STEAP1: variants seen among roughly 807,000 people sequenced by gnomAD.
STEAP1 encodes the protein STEAP family member 1.
Under a neutral mutation model 34.4 loss-of-function variants are expected in STEAP1, and 30 were observed. The ratio of observed to expected loss-of-function variants is 0.87; its 90% CI spans 0.65 to 1.18. The LOEUF is 1.18. Among genes scored for constraint, STEAP1 ranks in the 50% most tolerant of loss-of-function variants. The probability of loss-of-function intolerance (pLI) is 0.00; values close to 1 mark genes in which losing one functional copy is unlikely to be tolerated. For missense variants in STEAP1, 318 were observed against 391.1 expected (o/e 0.81, Z 1.58); for synonymous variants, 116 against 135.3 (o/e 0.86, Z 0.99).
At chr7:90,155,264 A>C (rs1212181634) in intron 1 of STEAP1, among the ~76,000 whole-genome samples, 1 of 152,222 alleles carries the variant, frequency 6.6e-6, no homozygotes, top group East Asian at 1.9e-4. Flanking sequence ...CCAGTGAAAA[A>C]AAAAAACAAA....
chr7:90,164,367 A>G, intron 4 of STEAP1, 110 bp from the exon 5 acceptor site: 4 of 1,281,842 alleles, frequency 3.1e-6, no homozygotes, highest in Admixed American at 2.6e-5. Flanking sequence ...ATGTGATAGG[A>G]AAACAATCAT....
In STEAP1 at chr7:90,158,219, G is replaced by A. The variant is rs138614702; in HGVS notation, c.-31-1539G>A. ...GAATGTAAAGGCCTGGGACATTACT[G>A]TACAGTACTATAGACTTTATAAACA... On this transcript the variant is annotated intron_variant, in intron 1 of 4. Transcript: ENST00000297205. Among the ~76,000 whole-genome samples, 760 of 152,212 alleles carry A rather than the reference G, an allele frequency of 5.0e-3. 6 individuals are homozygous for A. Among genetic ancestry groups the A allele is most frequent in the African/African-American group, 0.017 (725 of 41,542 alleles).
At chr7:90,161,348 T>C (rs1476410145) in intron 3 of STEAP1, 31 bp downstream of exon 3, 4 of 1,571,970 alleles carry the variant, frequency 2.5e-6, no homozygotes, top group African/African-American at 1.4e-5. Context: ...CTGTTACTAA[T>C]AAAAAGTCTA....
chr7:90,156,369 T>C (rs1480465329), intron 1 of STEAP1, among the ~76,000 whole-genome samples: 2 of 152,076 alleles, frequency 1.3e-5, no homozygotes, highest in Admixed American at 6.5e-5. Context: ...TGGGAGGTGA[T>C]TGGACCATGG....
At chr7:90,157,650 T>C (rs1794133037) in intron 1 of STEAP1, among the ~76,000 whole-genome samples, 2 of 152,232 alleles carry the variant, frequency 1.3e-5, no homozygotes, top group Admixed American at 1.3e-4. Flanking sequence ...GAAAAGAATG[T>C]GGGCAAACTA....
intron 4 of STEAP1, 147 bp from the exon 5 acceptor site, chr7:90,164,330 A>G: frequency 1.0e-6 from 1 of 991,796 alleles, no homozygotes; most frequent in Non-Finnish European, 1.4e-6. Flanking sequence ...AAAAGAGTAG[A>G]AAGATGTGAA....
chr7:90,164,290 T>C (rs1794221808), intron 4 of STEAP1, among the ~76,000 whole-genome samples, 187 bp from the exon 5 acceptor site: 1 of 152,056 alleles, frequency 6.6e-6, no homozygotes, highest in Non-Finnish European at 1.5e-5. Context: ...GACAAGAAAT[T>C]ACCCAAAAGT....
chr7:90,164,593 AGC>A lies in STEAP1; in HGVS notation c.880_881del (p.Ala294CysfsTer11), dbSNP rs769736129. On this transcript the variant is annotated frameshift_variant, in exon 5 of 5. Transcript: ENST00000297205. LOFTEE classifies it high-confidence loss of function. Reference sequence around the variant, plus strand: ...GGTATACACCTCCAACTTTTATGATAGCTGTTTTCCTTCCAATTGTTGTCCTG... The same window carrying A: ...GGTATACACCTCCAACTTTTATGATATGTTTTCCTTCCAATTGTTGTCCTG... ...VWYTPPTFMI[A>X]VFLPIVVLIF... 6.2e-7 allele frequency: 1 copy of A among 1,613,836 alleles called. No individual in the cohort carries two copies. Among genetic ancestry groups the A allele is most frequent in the Admixed American group, 1.7e-5 (1 of 60,006 alleles).
chr7:90,154,483 GC>G lies in STEAP1; in HGVS notation c.-89del, dbSNP rs1242452193. The G allele has an allele frequency of 1.3e-5, 2 of 153,138 alleles. No homozygotes were observed. Among genetic ancestry groups the G allele is most frequent in the Non-Finnish European group, 2.9e-5 (2 of 68,286 alleles). The allele number at this position is 153,138 out of a possible 1,614,324, so 9.5% of individuals were successfully genotyped here. The stretch of plus-strand genomic sequence containing the variant: ...TCTGGAGGCTCAGGCGCCGCGTGGG[GC>G]CCGCACCTCTGGGCAGCAGCGGCAG... On this transcript the variant is annotated 5_prime_UTR_variant, in exon 1 of 5. Coordinates refer to ENST00000297205, the MANE Select transcript of STEAP1 (RefSeq NM_012449.3).
chr7:90,156,355 C>T (rs1026583615), intron 1 of STEAP1, among the ~76,000 whole-genome samples: 3 of 152,116 alleles, frequency 2.0e-5, no homozygotes, highest in African/African-American at 7.2e-5. Context: ...GAGCTGGGGT[C>T]TGGTGGGAGG....
At chr7:90,158,225 T>C (rs574451520) in intron 1 of STEAP1, among the ~76,000 whole-genome samples, 83 of 152,268 alleles carry the variant, frequency 5.5e-4, no homozygotes, top group Admixed American at 2.3e-3. Context: ...TACTGTACAG[T>C]ACTATAGACT....
At chr7:90,164,221 T>A (rs1376594765) in intron 4 of STEAP1, among the ~76,000 whole-genome samples, 4 of 151,974 alleles carry the variant, frequency 2.6e-5, no homozygotes, top group Non-Finnish European at 5.9e-5. Context: ...GTAGACAAAG[T>A]TTTTGATCAC....
chr7:90,155,868 T>C (rs1199416351), intron 1 of STEAP1, among the ~76,000 whole-genome samples: 2 of 152,300 alleles, frequency 1.3e-5, no homozygotes, highest in East Asian at 3.9e-4. Flanking sequence ...CAGCAAACAC[T>C]GCCAACCTGC....
intron 1 of STEAP1, among the ~76,000 whole-genome samples, chr7:90,159,470 TC>T (rs1794154436): frequency 6.6e-6 from 1 of 152,214 alleles, no homozygotes; most frequent in African/African-American, 2.4e-5. Flanking sequence ...TAAATCTTCC[TC>T]AAGTAAAAGG....
chr7:90,159,952 T>G (rs1033954642), intron 2 of STEAP1, 80 bp downstream of exon 2: 1 of 1,035,804 alleles, frequency 9.7e-7, no homozygotes, highest in Admixed American at 3.7e-5. Flanking sequence ...TATCTCCTAG[T>G]GTTATGAAAG....
chr7:90,163,381 T>C (rs1349924116), intron 4 of STEAP1, among the ~76,000 whole-genome samples: 2 of 152,232 alleles, frequency 1.3e-5, no homozygotes, highest in Non-Finnish European at 1.5e-5. Context: ...ATTAGGAATT[T>C]AGGACTGCAT....
rs1794226898 is a variant in STEAP1, at chr7:90,164,525, AT to A, written c.816del (p.Phe272LeufsTer7). 1.9e-6 allele frequency: 3 copies of A among 1,613,222 alleles called. No individual in the cohort carries two copies. The highest frequency in any genetic ancestry group is 1.7e-6 in the Non-Finnish European group (2 of 1,179,630). ...TCTACTGGGCACAATACACGCATTG[AT>A]TTTTGCCTGGAATAAGTGGATAGAT... ...SLLLGTIHALIFAWNKWIDIK... is the reference protein window; with the variant it reads ...SLLLGTIHALXFAWNKWIDIK... On this transcript the variant is annotated frameshift_variant, in exon 5 of 5. Transcript: ENST00000297205. LOFTEE classifies it high-confidence loss of function.
intron 1 of STEAP1, among the ~76,000 whole-genome samples, chr7:90,155,910 C>T (rs1206575091): frequency 6.6e-6 from 1 of 152,308 alleles, no homozygotes; most frequent in East Asian, 1.9e-4. Context: ...TAGAAGACAG[C>T]GCTGAGCCTT....
At chr7:90,158,630 T>C (rs953845177) in intron 1 of STEAP1, among the ~76,000 whole-genome samples, 2 of 152,152 alleles carry the variant, frequency 1.3e-5, no homozygotes, top group African/African-American at 4.8e-5. Flanking sequence ...TAACAATGCC[T>C]TCTTCTGGAA....
Sources: gnomAD v4.1 joint callset for allele counts (sites outside exome capture counted in the v4.1 genomes callset) on GRCh38, gnomAD v4.1.1 for gene constraint, MANE v1.5 for transcripts, NCBI Gene and HGNC (gene_info 2026-07-23, HGNC 2026-07-21) for gene names.